CDH18: variants seen among roughly 807,000 people sequenced by gnomAD.
The protein encoded by CDH18 is cadherin-18.
In CDH18, 31 loss-of-function variants were observed where a neutral mutation model predicts 67.9. The observed-to-expected ratio is 0.46, with a 90% CI of 0.34 to 0.62. The LOEUF is 0.62. Ranked by LOEUF, CDH18 falls within the 20% of genes least tolerant of loss-of-function variation. CDH18 has a pLI of 0.01. For missense variants in CDH18, 890 were observed against 975.5 expected (o/e 0.91, Z 1.17); for synonymous variants, 362 against 347.2 (o/e 1.04, Z -0.48).
rs760158102 is a variant in CDH18 at position 20,177,634 on chromosome 5, T to C, written c.-518+77810A>G. 6.2e-4 allele frequency among the ~76,000 whole-genome samples: 95 copies of C among 152,052 alleles called. 5 individuals carry two copies. The highest frequency in any genetic ancestry group is 2.1e-4 in the Non-Finnish European group (14 of 67,994). ...GAGATTCATGTTTGAGTTGGTAGAC[T>C]GAGCATGGCAGATTACCATCCTGAT... On this transcript the variant is annotated intron_variant, in intron 2 of 14. Coordinates refer to the CDH18 transcript ENST00000507958.
rs531169554 is a variant in CDH18 at position 19,494,906 on chromosome 5, G to T, written c.1630+8086C>A. On this transcript the variant is annotated intron_variant, in intron 11 of 12. Coordinates refer to ENST00000382275, the MANE Select transcript of CDH18 (RefSeq NM_004934.5). Reference sequence around the variant, plus strand: ...TGGAAAAGAGAATGAGTTGGAAATCGATTCTTAGGCTATAATTTCTGTCAC... The same window carrying T: ...TGGAAAAGAGAATGAGTTGGAAATCTATTCTTAGGCTATAATTTCTGTCAC... Among the ~76,000 whole-genome samples the T allele has an allele frequency of 3.9e-5, 6 of 152,276 alleles. No homozygotes were observed. The South Asian group carries it at 1.2e-3, about 32-fold the overall frequency.
At chr5:19,662,145 T>TC (rs1004644926) in intron 5 of CDH18, among the ~76,000 whole-genome samples, 1 of 151,502 alleles carries the variant, frequency 6.6e-6, no homozygotes, top group African/African-American at 2.4e-5. Context: ...AAGATGACTT[T>TC]TTTTTTTTTA....
At chr5:20,298,973 A>T (rs748359740) in intron 1 of CDH18, among the ~76,000 whole-genome samples, 21 of 152,220 alleles carry the variant, frequency 1.4e-4, no homozygotes, top group Non-Finnish European at 2.6e-4. Context: ...GGAGTAGAGT[A>T]AGATGGGGAG....
chr5:19,861,242 T>G (rs565154573), intron 2 of CDH18, among the ~76,000 whole-genome samples: 43 of 152,032 alleles, frequency 2.8e-4, no homozygotes, highest in Admixed American at 4.6e-4. Context: ...TATTGGACTT[T>G]AATTTTTCCT....
At chr5:19,836,228 A>G (rs527556671) in intron 3 of CDH18, among the ~76,000 whole-genome samples, 13 of 152,296 alleles carry the variant, frequency 8.5e-5, no homozygotes, top group Non-Finnish European at 1.6e-4. Flanking sequence ...GCTAATTTCA[A>G]GGATGGAAAG....
chr5:19,766,407 C>T (rs1262319658), intron 3 of CDH18, among the ~76,000 whole-genome samples: 1 of 152,132 alleles, frequency 6.6e-6, no homozygotes, highest in African/African-American at 2.4e-5. Flanking sequence ...CCCAAATCCA[C>T]CCCTTCTCTC....
chr5:19,652,125 A>T (rs1298785808), intron 5 of CDH18, among the ~76,000 whole-genome samples: 5 of 151,776 alleles, frequency 3.3e-5, no homozygotes, highest in African/African-American at 4.8e-5. Context: ...TATTACTTAA[A>T]TTTTTTTCTT....
intron 2 of CDH18, among the ~76,000 whole-genome samples, chr5:20,055,990 C>CTTTTTTTTTTTTT (rs34736791): frequency 1.5e-4 from 11 of 73,804 alleles, no homozygotes; most frequent in Admixed American, 2.9e-4. Context: ...TTTTGGTTTC[C>CTTTTTTTTTTTTT]TTTTTTTTTT....
At chr5:19,719,903 G>GAGAAAGAAAGAAAGAACGAA (rs1173106345) in intron 5 of CDH18, among the ~76,000 whole-genome samples, 42 of 130,872 alleles carry the variant, frequency 3.2e-4, no homozygotes, top group African/African-American at 1.2e-3. Flanking sequence ...AGTTAAGCAA[G>GAGAAAGAAAGAAAGAACGAA]AGAAAGAAAG....
At chr5:20,002,416 CTCTCAGTTTGCACA>C (rs1420090762) in intron 2 of CDH18, among the ~76,000 whole-genome samples, 1 of 152,152 alleles carries the variant, frequency 6.6e-6, no homozygotes, top group Admixed American at 6.5e-5. Flanking sequence ...TAAGCACTGG[CTCTCAGTTTGCACA>C]TCTTTTAATG....
intron 5 of CDH18, among the ~76,000 whole-genome samples, chr5:19,647,175 G>A (rs1754877094): frequency 6.6e-6 from 1 of 152,004 alleles, no homozygotes; most frequent in Non-Finnish European, 1.5e-5. Flanking sequence ...GTAAGGGCAA[G>A]AAATGCAAAA....
chr5:19,987,725 G>T (rs1799714792), intron 1 of CDH18, among the ~76,000 whole-genome samples: 1 of 152,170 alleles, frequency 6.6e-6, no homozygotes, highest in South Asian at 2.1e-4. Context: ...AGACATAAAT[G>T]ACAGCTTATA....
chr5:19,812,307 T>C (rs541300073), intron 3 of CDH18, among the ~76,000 whole-genome samples: 11 of 152,240 alleles, frequency 7.2e-5, no homozygotes, highest in Non-Finnish European at 1.5e-4. Context: ...GAAATGTAAG[T>C]ATATACTTTA....
intron 3 of CDH18, among the ~76,000 whole-genome samples, chr5:19,782,437 A>G (rs758588444): frequency 1.2e-4 from 18 of 152,172 alleles, no homozygotes; most frequent in Non-Finnish European, 2.4e-4. Context: ...GAGCCAAACC[A>G]TATCACACTT....
chr5:20,428,684 C>T (rs1409487871), intron 1 of CDH18, among the ~76,000 whole-genome samples: 2 of 152,130 alleles, frequency 1.3e-5, no homozygotes, highest in African/African-American at 4.8e-5. Flanking sequence ...TTGCACTTCT[C>T]TAATGACCAG....
intron 2 of CDH18, among the ~76,000 whole-genome samples, chr5:20,036,642 T>C (rs899110615): frequency 1.3e-5 from 2 of 151,850 alleles, no homozygotes; most frequent in Admixed American, 1.3e-4. Context: ...AAACAGAAAA[T>C]AACATATAAC....
At chr5:19,586,967 A>G (rs1744255761) in intron 7 of CDH18, among the ~76,000 whole-genome samples, 1 of 151,816 alleles carries the variant, frequency 6.6e-6, no homozygotes, top group African/African-American at 2.4e-5. Flanking sequence ...AGTGATGTTG[A>G]GCTTTTTTTC....
chr5:20,519,942 CTTTTTTTT>C (rs777265512), intron 1 of CDH18, among the ~76,000 whole-genome samples: 1 of 41,676 alleles, frequency 2.4e-5, no homozygotes, highest in African/African-American at 8.9e-5. Context: ...ACAGTCTTGG[CTTTTTTTT>C]TTTTTTTTTT....
intron 2 of CDH18, among the ~76,000 whole-genome samples, chr5:19,972,758 AAT>A (rs1798147940): frequency 6.6e-6 from 1 of 152,050 alleles, no homozygotes; most frequent in Non-Finnish European, 1.5e-5. Flanking sequence ...ATAACATAAC[AAT>A]TCTACTTACA....
Sources: allele counts gnomAD v4.1 joint callset (sites outside exome capture counted in the v4.1 genomes callset), GRCh38; gene constraint gnomAD v4.1.1; transcripts MANE v1.5; gene names NCBI Gene and HGNC (gene_info 2026-07-23, HGNC 2026-07-21).